PDE5A: variants seen among roughly 807,000 people sequenced by gnomAD.
PDE5A encodes the protein cGMP-specific 3',5'-cyclic phosphodiesterase.
Under a neutral mutation model 110.2 loss-of-function variants are expected in PDE5A, and 67 were observed. The ratio of observed to expected loss-of-function variants is 0.61; its 90% CI spans 0.50 to 0.75. PDE5A has a LOEUF of 0.75. Among genes scored for constraint, PDE5A ranks in the 30% least tolerant of loss-of-function variants. The pLI is 0.00. For synonymous variants in PDE5A, 328 were observed against 351.2 expected (o/e 0.93, Z 0.74); for missense variants, 862 against 1,045.1 (o/e 0.82, Z 2.42).
At chr4:119,526,205 G>A (rs1726312359) in intron 11 of PDE5A, among the ~76,000 whole-genome samples, 1 of 152,096 alleles carries the variant, frequency 6.6e-6, no homozygotes, top group Non-Finnish European at 1.5e-5. Flanking sequence ...GCACAAAGAG[G>A]TTAATTTTCT....
chr4:119,608,760 CT>C (rs1286822865), intron 1 of PDE5A, among the ~76,000 whole-genome samples: 2 of 152,188 alleles, frequency 1.3e-5, no homozygotes, highest in Non-Finnish European at 2.9e-5. Flanking sequence ...ACATAATTGA[CT>C]GTTTATACCA....
intron 9 of PDE5A, chr4:119,543,685 C>G (rs975683570): frequency 2.0e-5 from 3 of 152,526 alleles, no homozygotes; most frequent in Non-Finnish European, 4.4e-5. Context: ...TATTACCTGT[C>G]AGATCATTGC....
chr4:119,624,908 T>A (rs1041742660), intron 1 of PDE5A, among the ~76,000 whole-genome samples: 2 of 152,090 alleles, frequency 1.3e-5, no homozygotes, highest in African/African-American at 2.4e-5. Flanking sequence ...TTTATTGGCC[T>A]CAAATTAATT....
At chr4:119,500,452 T>G (rs10213498) in intron 20 of PDE5A, among the ~76,000 whole-genome samples, 2,339 of 152,192 alleles carry the variant, frequency 0.015, 64 homozygotes, top group African/African-American at 0.053. Flanking sequence ...GGAGATGAAC[T>G]TTACAAGTTC....
Position 119,562,931 on chromosome 4 carries a change from G to A in PDE5A, c.1033C>T (p.Gln345Ter), listed in dbSNP as rs1417054128. 1 of 1,600,612 alleles carries A rather than the reference G, an allele frequency of 6.2e-7. No homozygotes were observed. The highest frequency in any genetic ancestry group is 8.5e-7 in the Non-Finnish European group (1 of 1,175,330). The stretch of plus-strand genomic sequence containing the variant: ...TTCTTCAAAATTACTTCTAATGATT[G>A]TTGTTCTTCAAAAATTAAACTAGCA... ...DLASLIFEEQ[Q>*]SLEVILKKIA... Residue 345 changes from glutamine to a stop codon, truncating the protein, a stop_gained, in exon 6 of 21, where the codon CAA becomes TAA. Transcript: ENST00000354960. LOFTEE classifies it high-confidence loss of function.
intron 1 of PDE5A, among the ~76,000 whole-genome samples, chr4:119,621,666 TTAGA>T (rs1220142212): frequency 6.6e-6 from 1 of 151,760 alleles, no homozygotes; most frequent in African/African-American, 2.4e-5. Flanking sequence ...AGATAGATAG[TTAGA>T]TAGACACAGA....
At chr4:119,561,202 TATACAGA>T (rs1373597968) in intron 6 of PDE5A, among the ~76,000 whole-genome samples, 19 of 150,182 alleles carry the variant, frequency 1.3e-4, no homozygotes, top group African/African-American at 4.4e-4. Flanking sequence ...ATGCTCTATT[TATACAGA>T]ATTGGAAGAA....
intron 3 of PDE5A, among the ~76,000 whole-genome samples, chr4:119,579,113 G>A (rs199866365): frequency 0.75 from 112,835 of 149,770 alleles, 42,786 homozygotes; most frequent in East Asian, 0.89. Flanking sequence ...GGCCATCAGA[G>A]AAATGCAAAT....
At position 119,545,433 on chromosome 4, in the gene PDE5A, A is replaced by G. The variant is rs183869451; in HGVS notation, c.1397-2799T>C. The stretch of plus-strand genomic sequence containing the variant: ...TATTTAAAAATGAAATGTTTAATGC[A>G]AAACCAAAAATAAAAGAGAACCATT... On this transcript the variant is annotated intron_variant, in intron 9 of 20. Transcript: ENST00000354960. Among the ~76,000 whole-genome samples, 103 of 152,338 alleles carry G rather than the reference A, an allele frequency of 6.8e-4. 1 individual carries two copies. The highest frequency in any genetic ancestry group is 1.1e-3 in the Non-Finnish European group (76 of 68,020).
intron 3 of PDE5A, among the ~76,000 whole-genome samples, chr4:119,594,863 A>G (rs933869358): frequency 6.6e-6 from 1 of 152,186 alleles, no homozygotes; most frequent in African/African-American, 2.4e-5. Flanking sequence ...GGTACTTGTT[A>G]GAAAAGAATC....
At chr4:119,575,020 C>T (rs538428440) in intron 3 of PDE5A, among the ~76,000 whole-genome samples, 18 of 152,134 alleles carry the variant, frequency 1.2e-4, no homozygotes, top group Middle Eastern at 3.4e-3. Flanking sequence ...AACCAAGGCA[C>T]GAGAACTACG....
At chr4:119,510,742 T>G (rs1253503996) in intron 15 of PDE5A, among the ~76,000 whole-genome samples, 1 of 152,020 alleles carries the variant, frequency 6.6e-6, no homozygotes, top group East Asian at 1.9e-4. Context: ...TTCATTCGAT[T>G]AAACAAAAAA....
intron 9 of PDE5A, among the ~76,000 whole-genome samples, chr4:119,545,638 G>C (rs1211381214): frequency 6.6e-6 from 1 of 152,116 alleles, no homozygotes; most frequent in Non-Finnish European, 1.5e-5. Context: ...AGCATTGAAG[G>C]CACCTCTGGA....
chr4:119,615,070 A>C (rs1004321104), intron 1 of PDE5A, among the ~76,000 whole-genome samples: 3 of 152,150 alleles, frequency 2.0e-5, no homozygotes, highest in Non-Finnish European at 2.9e-5. Context: ...ACTTCTCTGG[A>C]GTTCATTTTC....
chr4:119,624,474 T>G (rs1399906855), intron 1 of PDE5A, among the ~76,000 whole-genome samples: 1 of 152,196 alleles, frequency 6.6e-6, no homozygotes, highest in Non-Finnish European at 1.5e-5. Flanking sequence ...AGCACAGCTT[T>G]GCAGTATCAA....
At chr4:119,618,636 A>G (rs1005496469) in intron 1 of PDE5A, among the ~76,000 whole-genome samples, 5 of 152,048 alleles carry the variant, frequency 3.3e-5, no homozygotes, top group African/African-American at 9.7e-5. Flanking sequence ...TTTTTGTCAA[A>G]AATAAGTTAT....
In PDE5A at chr4:119,525,713, GAAA is replaced by G. The variant is rs3832310; in HGVS notation, c.1633-21_1633-19del. The G allele has an allele frequency of 2.1e-6, 3 of 1,418,946 alleles. No homozygotes were observed. Among genetic ancestry groups the G allele is most frequent in the East Asian group, 2.5e-5 (1 of 39,902 alleles). 87.9% of individuals were successfully genotyped at this position (1,418,946 alleles called of 1,614,324 possible). On this transcript the variant is annotated intron_variant, in intron 11 of 20. Transcript: ENST00000354960. This position sits in a 1 kb window ranked among gnomAD's most constrained non-coding sequence, Gnocchi z 4.3. ...ACAGCAGCCTTGGGTAAGGAAAGAAGAAAAAAAAAAATGCTGTTAATTAAAGCA... is the reference window on the plus strand; with the variant it reads ...ACAGCAGCCTTGGGTAAGGAAAGAAGAAAAAAAATGCTGTTAATTAAAGCA...
intron 3 of PDE5A, among the ~76,000 whole-genome samples, chr4:119,593,365 G>A (rs1729046086): frequency 1.3e-5 from 2 of 152,164 alleles, no homozygotes; most frequent in African/African-American, 4.8e-5. Flanking sequence ...ACAAATTGTA[G>A]TATATCCATA....
intron 3 of PDE5A, among the ~76,000 whole-genome samples, chr4:119,574,179 CTTTT>C (rs70944893): frequency 1.1e-5 from 1 of 89,176 alleles, no homozygotes. Flanking sequence ...AAAATATAGG[CTTTT>C]TTTTTTTTTT....
Sources: gnomAD v4.1 joint callset for allele counts (sites outside exome capture counted in the v4.1 genomes callset) on GRCh38, gnomAD v4.1.1 for gene constraint, Gnocchi (gnomAD v3.1) non-coding constraint, MANE v1.5 for transcripts, NCBI Gene and HGNC (gene_info 2026-07-23, HGNC 2026-07-21) for gene names.